The following ADAM23 variants were observed in gnomAD, a reference collection of about 807,000 sequenced individuals.
The protein encoded by ADAM23 is disintegrin and metalloproteinase domain-containing protein 23.
Under a neutral mutation model 120.1 loss-of-function variants are expected in ADAM23, and 33 were observed. That is an observed-to-expected ratio of 0.27 (90% CI 0.21 to 0.37). ADAM23 has a LOEUF of 0.37. Among genes scored for constraint, ADAM23 ranks in the 10% least tolerant of loss-of-function variants. The probability of loss-of-function intolerance (pLI) is 1.00; values close to 1 mark genes in which losing one functional copy is unlikely to be tolerated. For synonymous variants in ADAM23, 367 were observed against 375.2 expected (o/e 0.98, Z 0.25); for missense variants, 862 against 1,058.2 (o/e 0.81, Z 2.57).
intron 9 of ADAM23, among the ~76,000 whole-genome samples, chr2:206,550,572 A>G (rs1697493888): frequency 6.6e-6 from 1 of 151,566 alleles, no homozygotes; most frequent in South Asian, 2.1e-4. Flanking sequence ...GGTTTATCTA[A>G]AGTGAATATC....
chr2:206,617,496 C>T (rs1375217947), intron 25 of ADAM23, 83 bp from the exon 26 acceptor site: 1 of 1,429,634 alleles, frequency 7.0e-7, no homozygotes. Flanking sequence ...TTGTCATTAT[C>T]ATCACCATTC....
At chr2:206,500,543 A>G (rs1460923058) in intron 3 of ADAM23, among the ~76,000 whole-genome samples, 1 of 152,180 alleles carries the variant, frequency 6.6e-6, no homozygotes, top group South Asian at 2.1e-4. Flanking sequence ...TTTTCTTAGT[A>G]TAATTTGACT....
At chr2:206,491,551 C>T (rs906723835) in intron 3 of ADAM23, among the ~76,000 whole-genome samples, 1 of 152,134 alleles carries the variant, frequency 6.6e-6, no homozygotes, top group African/African-American at 2.4e-5. Flanking sequence ...GAACTTGACT[C>T]ATTTTTTCAG....
intron 4 of ADAM23, among the ~76,000 whole-genome samples, chr2:206,534,875 C>T (rs1002732344): frequency 9.2e-5 from 14 of 152,072 alleles, no homozygotes; most frequent in South Asian, 6.2e-4. Context: ...CTTCCTATTC[C>T]GTTGCTCATT....
At chr2:206,593,126 T>C (rs533623854) in intron 22 of ADAM23, among the ~76,000 whole-genome samples, 2 of 152,298 alleles carry the variant, frequency 1.3e-5, no homozygotes, top group East Asian at 3.9e-4. Context: ...TTATGAAGTG[T>C]ATGTCTGGTT....
In ADAM23 at chr2:206,599,706, A is replaced by G. The variant is rs537617187; in HGVS notation, c.2359+3544A>G. On this transcript the variant is annotated intron_variant, in intron 24 of 25. Coordinates refer to ENST00000264377, the MANE Select transcript of ADAM23 (RefSeq NM_003812.4). ...CGTATGCTTGGCACACAGACACTCC[A>G]TAAATATTACACTCTTCTCTTTTGA... Among the ~76,000 whole-genome samples, 176 of 152,378 alleles carry G rather than the reference A, an allele frequency of 1.2e-3. 1 individual carries two copies. Among genetic ancestry groups the G allele is most frequent in the African/African-American group, 3.9e-3 (163 of 41,592 alleles).
At position 206,618,272 on chromosome 2, in the gene ADAM23, A is replaced by AT. The variant is rs1175177047; in HGVS notation, c.*646dup. ...TCTTACCCCCCACCTCCCACCCTCT[A>AT]TAATCCCCACTCCCCATTGGAGACC... On this transcript the variant is annotated 3_prime_UTR_variant, in exon 26 of 26. Transcript: ENST00000264377. The AT allele has an allele frequency of 6.6e-6, 1 of 150,520 alleles. No individual in the cohort carries two copies. Among genetic ancestry groups the AT allele is most frequent in the East Asian group, 2.0e-4 (1 of 5,112 alleles). 9.3% of individuals were successfully genotyped at this position (150,520 alleles called of 1,614,324 possible).
At chr2:206,489,172 C>T (rs1014747822) in intron 3 of ADAM23, among the ~76,000 whole-genome samples, 1 of 152,158 alleles carries the variant, frequency 6.6e-6, no homozygotes, top group Non-Finnish European at 1.5e-5. Context: ...GCTTGAGGCA[C>T]CTTGACCTAT....
intron 3 of ADAM23, among the ~76,000 whole-genome samples, chr2:206,490,760 G>A (rs1490273087): frequency 6.6e-6 from 1 of 152,028 alleles, no homozygotes; most frequent in Non-Finnish European, 1.5e-5. Context: ...AGAGTGCCAG[G>A]TAACTCTTTT....
intron 3 of ADAM23, among the ~76,000 whole-genome samples, chr2:206,517,729 C>T (rs1164268399): frequency 6.6e-6 from 1 of 152,072 alleles, no homozygotes; most frequent in African/African-American, 2.4e-5. Flanking sequence ...TGTGGCTTTC[C>T]TGGATGTGAA....
intron 18 of ADAM23, among the ~76,000 whole-genome samples, chr2:206,584,250 C>A (rs1278102370): frequency 6.6e-6 from 1 of 152,106 alleles, no homozygotes; most frequent in Non-Finnish European, 1.5e-5. Context: ...AGTGCCTGTT[C>A]TGTTGGAGGT....
chr2:206,608,789 A>G (rs1422000465), intron 24 of ADAM23, among the ~76,000 whole-genome samples: 1 of 152,170 alleles, frequency 6.6e-6, no homozygotes, highest in Admixed American at 6.5e-5. Context: ...AGTGGCATCC[A>G]TTTATGTACA....
intron 24 of ADAM23, among the ~76,000 whole-genome samples, chr2:206,605,337 A>G (rs1698708814): frequency 6.6e-6 from 1 of 152,234 alleles, no homozygotes; most frequent in African/African-American, 2.4e-5. Flanking sequence ...TGAATTTGTA[A>G]GGATCTTTGC....
chr2:206,519,232 C>G (rs2105788752), intron 3 of ADAM23, among the ~76,000 whole-genome samples: 1 of 152,266 alleles, frequency 6.6e-6, no homozygotes, highest in African/African-American at 2.4e-5. Context: ...AACACTGAAT[C>G]TGAAAGTCCA....
intron 2 of ADAM23, among the ~76,000 whole-genome samples, chr2:206,477,893 A>ATATATATATATATATATATATATATAT (rs1199167461): frequency 2.0e-5 from 2 of 101,438 alleles, no homozygotes; most frequent in African/African-American, 9.0e-5. Context: ...AAAAAAAAAA[A>ATATATATATATATATATATATATATAT]AAAAATATAT....
At chr2:206,520,402 A>C (rs1278193093) in intron 3 of ADAM23, among the ~76,000 whole-genome samples, 2 of 152,374 alleles carry the variant, frequency 1.3e-5, no homozygotes, top group Admixed American at 6.5e-5. Flanking sequence ...ATTACAAAGT[A>C]CACATTAGCA....
At chr2:206,524,770 C>G (rs1000903026) in intron 3 of ADAM23, among the ~76,000 whole-genome samples, 1 of 152,104 alleles carries the variant, frequency 6.6e-6, no homozygotes, top group Non-Finnish European at 1.5e-5. Context: ...CCACTGGGTC[C>G]CTCCCACAAC....
At chr2:206,573,290 G>T (rs763998193) in intron 18 of ADAM23, 95 bp downstream of exon 18, 7 of 1,247,176 alleles carry the variant, frequency 5.6e-6, no homozygotes, top group Admixed American at 3.6e-5. Flanking sequence ...TCAGATTTAA[G>T]ATTTTTTGGA....
intron 2 of ADAM23, among the ~76,000 whole-genome samples, chr2:206,452,792 T>A (rs901161937): frequency 6.6e-6 from 1 of 152,154 alleles, no homozygotes; most frequent in East Asian, 1.9e-4. Context: ...TTCCCAGCTA[T>A]CTAAGAGTGA....
Sources: allele counts gnomAD v4.1 joint callset (sites outside exome capture counted in the v4.1 genomes callset), GRCh38; gene constraint gnomAD v4.1.1; transcripts MANE v1.5; gene names NCBI Gene and HGNC (gene_info 2026-07-23, HGNC 2026-07-21).